The following CARMIL1 variants were observed in gnomAD, a reference collection of about 807,000 sequenced individuals.
CARMIL1 encodes the protein F-actin-uncapping protein LRRC16A.
A neutral mutation model predicts 177.1 loss-of-function variants in CARMIL1; 90 were observed. That is an observed-to-expected ratio of 0.51 (90% CI 0.43 to 0.61). CARMIL1 has a LOEUF of 0.61. Among genes scored for constraint, CARMIL1 ranks in the 20% least tolerant of loss-of-function variants. The probability of loss-of-function intolerance (pLI) is 0.00; values close to 1 mark genes in which losing one functional copy is unlikely to be tolerated. For synonymous variants in CARMIL1, 577 were observed against 606.2 expected, an observed-to-expected ratio of 0.95 and a Z score of 0.71; for missense variants, 1,380 against 1,667.0, an observed-to-expected ratio of 0.83 and a Z score of 3.00.
rs553131831 is a variant in CARMIL1, at chr6:25,529,351, C to T, written c.2067+458C>T. 1.4e-4 allele frequency among the ~76,000 whole-genome samples: 22 copies of T among 152,208 alleles called. 1 individual carries two copies. The South Asian group carries it at 3.3e-3, about 23-fold the overall frequency. On this transcript the variant is annotated intron_variant, in intron 24 of 36. Transcript: ENST00000329474. ...AAAGTTTGATGAATATTAATTAACA[C>T]ATGCTGAAGAGAAACTGAGGTGTTT...
intron 2 of CARMIL1, among the ~76,000 whole-genome samples, chr6:25,314,645 C>A (rs530463055): frequency 7.2e-5 from 10 of 139,172 alleles, no homozygotes; most frequent in African/African-American, 2.6e-4. Context: ...GTCACATATC[C>A]ATGTTGTTTC....
chr6:25,407,373 A>G (rs1794469228), intron 2 of CARMIL1, among the ~76,000 whole-genome samples: 1 of 147,654 alleles, frequency 6.8e-6, no homozygotes, highest in Admixed American at 6.8e-5. Flanking sequence ...GACAGGTGGG[A>G]TGTAACCCAG....
intron 29 of CARMIL1, among the ~76,000 whole-genome samples, chr6:25,569,789 G>A (rs1811894635): frequency 6.6e-6 from 1 of 151,988 alleles, no homozygotes; most frequent in Admixed American, 6.5e-5. Flanking sequence ...TAAACTCCTA[G>A]TTTTTGCCTT....
At chr6:25,580,779 T>G (rs904878799) in intron 29 of CARMIL1, 145 bp from the exon 30 acceptor site, 1 of 617,580 alleles carries the variant, frequency 1.6e-6, no homozygotes, top group Non-Finnish European at 2.9e-6. Flanking sequence ...AATAGTTTGG[T>G]CTCTTCAGTT....
intron 2 of CARMIL1, among the ~76,000 whole-genome samples, chr6:25,288,697 A>G (rs1781713482): frequency 6.6e-6 from 1 of 152,284 alleles, no homozygotes; most frequent in Admixed American, 6.5e-5. Flanking sequence ...TCTGAAGCCC[A>G]AGTATCTGCT....
At chr6:25,349,232 T>C (rs1787854910) in intron 2 of CARMIL1, among the ~76,000 whole-genome samples, 1 of 152,162 alleles carries the variant, frequency 6.6e-6, no homozygotes, top group Non-Finnish European at 1.5e-5. Context: ...CTGGGACAGT[T>C]AGGCATGCCA....
In CARMIL1 at chr6:25,556,679, C is replaced by T. The variant is rs187763265; in HGVS notation, c.2593-22C>T. On this transcript the variant is annotated intron_variant, in intron 28 of 36. Transcript: ENST00000329474. ...CTTTCTCTGTACTTTAATTTCTCCT[C>T]GTACACGTCTTGACCTTCTAGGCTG... 1.5e-3 allele frequency: 2,391 copies of T among 1,597,742 alleles called. 20 individuals carry two copies. The highest frequency in any genetic ancestry group is 0.015 in the African/African-American group (1,095 of 74,106).
intron 11 of CARMIL1, among the ~76,000 whole-genome samples, chr6:25,477,225 A>G (rs1028892955): frequency 6.6e-6 from 1 of 152,120 alleles, no homozygotes; most frequent in Non-Finnish European, 1.5e-5. Context: ...CCTTCCACTC[A>G]GGGACTTATT....
At chr6:25,551,910 C>T (rs1230442435) in intron 27 of CARMIL1, among the ~76,000 whole-genome samples, 2 of 151,942 alleles carry the variant, frequency 1.3e-5, no homozygotes, top group Non-Finnish European at 2.9e-5. Context: ...ATGAGAAAAA[C>T]GAGCGAAAAA....
At chr6:25,309,425 G>A (rs1242020559) in intron 2 of CARMIL1, among the ~76,000 whole-genome samples, 1 of 149,350 alleles carries the variant, frequency 6.7e-6, no homozygotes, top group South Asian at 2.1e-4. Context: ...ACAATTCAGT[G>A]GCTATTAGTA....
In CARMIL1 at chr6:25,495,175, A is replaced by G. The variant is rs1180931697; in HGVS notation, c.1285A>G (p.Ile429Val). The G allele has an allele frequency of 1.9e-6, 3 of 1,613,332 alleles. No homozygotes were observed. The African/African-American group carries it at 4.0e-5, about 22-fold the overall frequency. ...TAGTAGTTCTCTGGCTTTGATGCAC[A>G]TCAACCTTTCAGGCACAAAACTGTC... ...FFSSSLALMH[I>V]NLSGTKLSPE... Residue 429 changes from isoleucine (I) to valine (V), a missense_variant, in exon 16 of 37, where the codon ATC becomes GTC. Coordinates refer to ENST00000329474, the MANE Select transcript of CARMIL1 (RefSeq NM_017640.6).
chr6:25,293,111 T>TA (rs1208743334), intron 2 of CARMIL1, among the ~76,000 whole-genome samples: 3 of 151,640 alleles, frequency 2.0e-5, no homozygotes, highest in African/African-American at 7.3e-5. Context: ...TTTTTTTTTT[T>TA]AATAGAATAT....
Position 25,444,159 on chromosome 6 carries a change from T to C in CARMIL1, c.372-5739T>C, listed in dbSNP as rs148666665. ...GTTTACCACATCAATTGACCCTTTC[T>C]TTCATGAGTGATTTCTCTGTGGCAT... On this transcript the variant is annotated intron_variant, in intron 5 of 36. Coordinates refer to ENST00000329474, the MANE Select transcript of CARMIL1 (RefSeq NM_017640.6). 3.3e-5 allele frequency among the ~76,000 whole-genome samples: 5 copies of C among 152,266 alleles called. No individual in the cohort carries two copies. In the East Asian group the frequency reaches 9.7e-4, roughly 29 times the overall value.
At chr6:25,433,046 T>C (rs193021685) in intron 4 of CARMIL1, 20 of 152,330 alleles carry the variant, frequency 1.3e-4, no homozygotes, top group African/African-American at 4.8e-4. Context: ...TTTTTCTTTT[T>C]TGATGAGGTG....
chr6:25,579,099 G>T (rs1812878917), intron 29 of CARMIL1, among the ~76,000 whole-genome samples: 1 of 149,186 alleles, frequency 6.7e-6, no homozygotes, highest in African/African-American at 2.5e-5. Context: ...TTTATATATA[G>T]TACATATTTT....
chr6:25,538,483 A>G (rs993761116), intron 25 of CARMIL1, among the ~76,000 whole-genome samples: 3 of 152,164 alleles, frequency 2.0e-5, no homozygotes, highest in Admixed American at 6.5e-5. Flanking sequence ...GATCAATCAG[A>G]TACTCTTGTG....
intron 31 of CARMIL1, among the ~76,000 whole-genome samples, chr6:25,588,755 T>C (rs907899410): frequency 1.3e-5 from 2 of 152,228 alleles, no homozygotes; most frequent in Admixed American, 1.3e-4. Flanking sequence ...GACTGGGATA[T>C]AGTGCTGACT....
At chr6:25,552,455 A>G (rs556184063) in intron 27 of CARMIL1, among the ~76,000 whole-genome samples, 9 of 152,088 alleles carry the variant, frequency 5.9e-5, no homozygotes, top group Non-Finnish European at 1.2e-4. Context: ...ATGTCCATTA[A>G]CTCCATACTT....
At chr6:25,303,067 A>G (rs1239426831) in intron 2 of CARMIL1, among the ~76,000 whole-genome samples, 3 of 150,266 alleles carry the variant, frequency 2.0e-5, no homozygotes, top group African/African-American at 7.3e-5. Flanking sequence ...TGGTCTCATC[A>G]TTTAGATGAG....
Sources: gnomAD v4.1 joint callset for allele counts (sites outside exome capture counted in the v4.1 genomes callset) on GRCh38, gnomAD v4.1.1 for gene constraint, MANE v1.5 for transcripts, NCBI Gene and HGNC (gene_info 2026-07-23, HGNC 2026-07-21) for gene names.